The following CSTF3 variants were observed in gnomAD, a reference collection of about 807,000 sequenced individuals.
The protein encoded by CSTF3 is cleavage stimulation factor subunit 3.
Under a neutral mutation model 105.8 loss-of-function variants are expected in CSTF3, and 29 were observed. The observed-to-expected ratio is 0.27, with a 90% confidence interval of 0.20 to 0.37. CSTF3 has a LOEUF of 0.37. Ranked by LOEUF, CSTF3 falls within the 10% of genes least tolerant of loss-of-function variation. The pLI is 1.00. For missense variants in CSTF3, 357 were observed against 879.3 expected (o/e 0.41, Z 7.51); for synonymous variants, 252 against 281.9 (o/e 0.89, Z 1.06).
Position 33,085,997 on chromosome 11 carries a change from A to G in CSTF3, c.1796-8T>C, listed in dbSNP as rs1565000144. The stretch of plus-strand genomic sequence containing the variant: ...CAGGGTGTAAACCTGGAGCTGTGAG[A>G]AAAAGAAAAGTATGAATCAAGTGGA... On this transcript the variant is annotated splice_region_variant and splice_polypyrimidine_tract_variant and intron_variant, in intron 18 of 20. Coordinates refer to ENST00000323959, the MANE Select transcript of CSTF3 (RefSeq NM_001326.3). 1 of 1,468,534 alleles carries G rather than the reference A, an allele frequency of 6.8e-7. No individual in the cohort carries two copies. Among genetic ancestry groups the G allele is most frequent in the African/African-American group, 1.4e-5 (1 of 70,552 alleles). 91.0% of individuals were successfully genotyped at this position (1,468,534 alleles called of 1,614,324 possible).
Position 33,099,211 on chromosome 11 carries a change from A to C in CSTF3, c.937-61T>G, listed in dbSNP as rs1855255197. 6.5e-7 allele frequency: 1 copy of C among 1,537,400 alleles called. No homozygotes were observed. Among genetic ancestry groups the C allele is most frequent in the African/African-American group, 1.4e-5 (1 of 71,012 alleles). The stretch of plus-strand genomic sequence containing the variant: ...TTTAATATAGTTGTGAGAGAATAAA[A>C]TTAATAAAGTTACATCTACTTTATT... On this transcript the variant is annotated intron_variant, in intron 11 of 20. Transcript: ENST00000323959. The surrounding 1 kb of genome is among the most constrained non-coding windows in gnomAD (Gnocchi z 4.1).
chr11:33,144,196 A>T (rs1293207817), intron 1 of CSTF3, among the ~76,000 whole-genome samples: 7 of 152,114 alleles, frequency 4.6e-5, no homozygotes, highest in Non-Finnish European at 1.0e-4. Context: ...GGAAAAGTTT[A>T]AAAAAAGTAT....
chr11:33,156,175 C>T (rs993120474), intron 1 of CSTF3, among the ~76,000 whole-genome samples: 1 of 152,110 alleles, frequency 6.6e-6, no homozygotes, highest in Non-Finnish European at 1.5e-5. Flanking sequence ...TTTGCCTGCC[C>T]AAAACTGTTA....
Position 33,103,179 on chromosome 11 carries a change from G to C in CSTF3, c.591C>G (p.Ile197Met). 1 of 1,525,414 alleles carries C rather than the reference G, an allele frequency of 6.6e-7. No individual in the cohort carries two copies. The highest frequency in any genetic ancestry group is 8.9e-7 in the Non-Finnish European group (1 of 1,125,348). 94.5% of individuals were successfully genotyped at this position (1,525,414 alleles called of 1,614,324 possible). A position where few individuals can be genotyped will look rare whatever the true frequency, so the allele number is the denominator to read the frequency against. Residue 197 changes from isoleucine to methionine, a missense_variant, in exon 9 of 21, where the codon ATC becomes ATG. By Grantham distance (10) the Ile-to-Met change is conservative (BLOSUM62 1). Coordinates refer to ENST00000323959, the MANE Select transcript of CSTF3 (RefSeq NM_001326.3). ...TCATTTTTTTAGCTAAATGAATATT[G>C]ATACCCTAGAAAAAAACAAAAATAT... The part of the protein sequence containing the change: ...WRDYNKYEEG[I>M]NIHLAKKMIE...
chr11:33,092,223 A>G, intron 16 of CSTF3, 48 bp downstream of exon 16: 1 of 1,330,260 alleles, frequency 7.5e-7, no homozygotes, highest in Non-Finnish European at 1.0e-6. Context: ...AATTCAGGTA[A>G]GAAAGCTGTC....
intron 13 of CSTF3, 132 bp from the exon 14 acceptor site, chr11:33,097,110 T>C: frequency 1.6e-6 from 1 of 641,054 alleles, no homozygotes; most frequent in Non-Finnish European, 2.4e-6. Flanking sequence ...ACAAACTAAT[T>C]TTTTTCTGGT....
At chr11:33,131,547 T>A (rs1353876116) in intron 3 of CSTF3, among the ~76,000 whole-genome samples, 1 of 152,148 alleles carries the variant, frequency 6.6e-6, no homozygotes, top group Non-Finnish European at 1.5e-5. Flanking sequence ...GAACTGAATA[T>A]TAAATTAGAT....
At chr11:33,159,216 G>A (rs1849904837) in intron 1 of CSTF3, among the ~76,000 whole-genome samples, 1 of 152,070 alleles carries the variant, frequency 6.6e-6, no homozygotes, top group East Asian at 1.9e-4. Flanking sequence ...CCAACACTTG[G>A]GGACACTGAG....
intron 1 of CSTF3, among the ~76,000 whole-genome samples, chr11:33,143,772 C>A (rs1255502507): frequency 6.6e-6 from 1 of 150,536 alleles, no homozygotes; most frequent in Non-Finnish European, 1.5e-5. Flanking sequence ...AGGCAGATTA[C>A]AAGGTCAGGA....
At chr11:33,098,633 T>G in intron 13 of CSTF3, 57 bp downstream of exon 13, 1 of 1,007,634 alleles carries the variant, frequency 9.9e-7, no homozygotes, top group East Asian at 2.5e-5. Context: ...AAATTTAAAT[T>G]ATTTTTTGTT....
chr11:33,127,608 T>A (rs751012469), intron 3 of CSTF3, among the ~76,000 whole-genome samples: 5 of 152,226 alleles, frequency 3.3e-5, no homozygotes, highest in African/African-American at 7.2e-5. Flanking sequence ...GAAACTGACA[T>A]GATCTGCCAA....
Position 33,151,316 on chromosome 11 carries a change from G to A in CSTF3, c.28-9330C>T, listed in dbSNP as rs544403704. Among the ~76,000 whole-genome samples the A allele has an allele frequency of 7.9e-5, 12 of 151,714 alleles. No individual in the cohort carries two copies. In the East Asian group the frequency reaches 2.3e-3, roughly 30 times the overall value. On this transcript the variant is annotated intron_variant, in intron 1 of 20. Coordinates refer to ENST00000323959, the MANE Select transcript of CSTF3 (RefSeq NM_001326.3). The stretch of plus-strand genomic sequence containing the variant: ...ATCAATCCTCCCACCTAGACCTCCC[G>A]ATAATGGACTACAGGCATGTGCCAC...
intron 3 of CSTF3, among the ~76,000 whole-genome samples, chr11:33,124,633 A>C (rs1855525260): frequency 6.6e-6 from 1 of 152,196 alleles, no homozygotes; most frequent in African/African-American, 2.4e-5. Flanking sequence ...ATTGGAACAG[A>C]GTGACTTTAG....
At chr11:33,094,880 ATATT>A (rs1855202502) in intron 15 of CSTF3, among the ~76,000 whole-genome samples, 7 of 151,810 alleles carry the variant, frequency 4.6e-5, no homozygotes, top group Admixed American at 3.9e-4. Flanking sequence ...GTATTTATTT[ATATT>A]TATTTATTTA....
At position 33,106,038 on chromosome 11, in the gene CSTF3, A is replaced by G; in HGVS notation, c.383T>C (p.Phe128Ser). The change falls in exon 6 of 21, where the codon TTT (phenylalanine) becomes TCT (serine). Residue 128 changes from phenylalanine (F) to serine (S), a missense_variant. Phe to Ser is a radical substitution (Grantham distance 155). Coordinates refer to ENST00000323959, the MANE Select transcript of CSTF3 (RefSeq NM_001326.3). ...YKEKMAQAYD[F>S]ALDKIGMEIM... ...TTCCATTCCAATTTTATCCAGTGCA[A>G]AGTCATATGCTTGAGCCATTTTTTC... 6.2e-7 allele frequency: 1 copy of G among 1,613,242 alleles called. No individual in the cohort carries two copies.
intron 15 of CSTF3, among the ~76,000 whole-genome samples, chr11:33,094,384 C>T (rs1380501491): frequency 6.6e-6 from 1 of 152,108 alleles, no homozygotes; most frequent in African/African-American, 2.4e-5. Flanking sequence ...ACATTGGATT[C>T]CCCCACAAAA....
intron 3 of CSTF3, among the ~76,000 whole-genome samples, chr11:33,110,623 T>C (rs528935714): frequency 1.4e-4 from 22 of 152,244 alleles, no homozygotes; most frequent in African/African-American, 4.3e-4. Context: ...ATTGAGAAAA[T>C]AGGCATAGAA....
chr11:33,111,605 A>G (rs1293552972), intron 3 of CSTF3, among the ~76,000 whole-genome samples: 1 of 152,202 alleles, frequency 6.6e-6, no homozygotes, highest in East Asian at 1.9e-4. Context: ...AGAGACAAGA[A>G]AAAAGACTTT....
intron 3 of CSTF3, among the ~76,000 whole-genome samples, chr11:33,113,873 T>A (rs191911770): frequency 6.6e-6 from 1 of 151,768 alleles, no homozygotes; most frequent in African/African-American, 2.4e-5. Flanking sequence ...CTGGGCAACA[T>A]AGCAAGGCCC....
Sources: gnomAD v4.1 joint callset for allele counts (sites outside exome capture counted in the v4.1 genomes callset) on GRCh38, gnomAD v4.1.1 for gene constraint, Gnocchi (gnomAD v3.1) non-coding constraint, MANE v1.5 for transcripts, NCBI Gene and HGNC (gene_info 2026-07-23, HGNC 2026-07-21) for gene names.